EBF2: variants seen among roughly 807,000 people sequenced by gnomAD.
The protein encoded by EBF2 is transcription factor COE2.
A neutral mutation model predicts 72.8 loss-of-function variants in EBF2; 21 were observed. That is an observed-to-expected ratio of 0.29 (90% confidence interval 0.20 to 0.42). The LOEUF (loss-of-function observed/expected upper bound fraction) is 0.42. Ranked by LOEUF, EBF2 falls within the 10% of genes least tolerant of loss-of-function variation. EBF2 has a pLI of 1.00. For missense variants in EBF2, 637 were observed against 731.2 expected (o/e 0.87, Z 1.49); for synonymous variants, 299 against 274.2 (o/e 1.09, Z -0.89).
chr8:26,019,296 C>CAA (rs10644837), intron 6 of EBF2, among the ~76,000 whole-genome samples: 21,486 of 137,082 alleles, frequency 0.16, 1,642 homozygotes, highest in Non-Finnish European at 0.2. Context: ...CTGTAAAACT[C>CAA]AAAAAAAAAA....
At chr8:25,931,915 G>A (rs534309590) in intron 6 of EBF2, among the ~76,000 whole-genome samples, 17 of 152,164 alleles carry the variant, frequency 1.1e-4, no homozygotes, top group African/African-American at 3.9e-4. Context: ...TTTTCATGTA[G>A]CAATAATAGT....
intron 6 of EBF2, among the ~76,000 whole-genome samples, chr8:25,928,019 G>T (rs1350442554): frequency 6.6e-6 from 1 of 152,096 alleles, no homozygotes; most frequent in Non-Finnish European, 1.5e-5. Flanking sequence ...CATCAGATAA[G>T]GAACACGGCT....
At chr8:25,896,705 G>A (rs372694075) in intron 7 of EBF2, among the ~76,000 whole-genome samples, 14 of 152,138 alleles carry the variant, frequency 9.2e-5, no homozygotes, top group African/African-American at 1.9e-4. Context: ...TGGCTATGGC[G>A]AGCGACCAAG....
At chr8:25,846,383 G>A (rs888992295) in intron 15 of EBF2, among the ~76,000 whole-genome samples, 6 of 152,082 alleles carry the variant, frequency 3.9e-5, no homozygotes, top group Admixed American at 1.3e-4. Flanking sequence ...CTCTGGCAGT[G>A]GAATTCTGAC....
intron 13 of EBF2, among the ~76,000 whole-genome samples, chr8:25,858,709 G>C (rs1478885285): frequency 2.1e-5 from 3 of 144,260 alleles, no homozygotes; most frequent in African/African-American, 7.9e-5. Flanking sequence ...GCTCAGGCTG[G>C]AGTACAGTGG....
At chr8:26,003,922 C>G (rs1804784036) in intron 6 of EBF2, among the ~76,000 whole-genome samples, 1 of 152,140 alleles carries the variant, frequency 6.6e-6, no homozygotes, top group African/African-American at 2.4e-5. Flanking sequence ...AGTTTGCGCT[C>G]CTGGGGGACC....
At chr8:26,001,840 C>T (rs917729838) in intron 6 of EBF2, among the ~76,000 whole-genome samples, 5 of 152,078 alleles carry the variant, frequency 3.3e-5, no homozygotes, top group South Asian at 2.1e-4. Context: ...TGAGCCACCA[C>T]ACCCAGCCCT....
chr8:26,005,279 T>TTA (rs1554480810), intron 6 of EBF2, among the ~76,000 whole-genome samples: 980 of 2,194 alleles, frequency 0.45, 177 homozygotes, highest in East Asian at 0.73. Flanking sequence ...ATATATATAA[T>TTA]TATATAATTA....
chr8:25,925,219 C>T (rs1194069795), intron 6 of EBF2, among the ~76,000 whole-genome samples: 1 of 151,926 alleles, frequency 6.6e-6, no homozygotes, highest in African/African-American at 2.4e-5. Flanking sequence ...ACATCTTTTC[C>T]CTTGTAACTC....
chr8:25,907,419 C>CAAAAA lies in EBF2; in HGVS notation c.633+1050_633+1054dup, dbSNP rs55695734. ...TAGGTGACAGAGTGAGACCCTGCCT[C>CAAAAA]AAAAAAAAAAAAAAAAAAAAAAAAA... is the stretch of plus-strand genomic sequence containing the variant. On this transcript the variant is annotated intron_variant, in intron 7 of 15. Coordinates refer to ENST00000520164, the MANE Select transcript of EBF2 (RefSeq NM_022659.4). Among the ~76,000 whole-genome samples the CAAAAA allele has an allele frequency of 8.6e-3, 250 of 28,904 alleles. 12 individuals are homozygous for CAAAAA. Among genetic ancestry groups the CAAAAA allele is most frequent in the Non-Finnish European group, 0.012 (193 of 15,540 alleles). 19.0% of individuals were successfully genotyped at this position (28,904 alleles called of 152,430 possible). A position where few individuals can be genotyped will look rare whatever the true frequency, so the allele number is the denominator to read the frequency against.
At chr8:26,005,276 TA>T (rs374336860) in intron 6 of EBF2, among the ~76,000 whole-genome samples, 1 of 666 alleles carries the variant, frequency 1.5e-3, no homozygotes, top group African/African-American at 4.4e-3. Context: ...ATAATATATA[TA>T]ATTATATAAT....
intron 10 of EBF2, among the ~76,000 whole-genome samples, chr8:25,880,612 T>G (rs1026058595): frequency 1.3e-5 from 2 of 152,172 alleles, no homozygotes; most frequent in African/African-American, 4.8e-5. Context: ...TTCTATATGT[T>G]CCTACAAAGC....
chr8:25,928,890 C>T (rs1472850601), intron 6 of EBF2, among the ~76,000 whole-genome samples: 2 of 151,520 alleles, frequency 1.3e-5, no homozygotes, highest in Non-Finnish European at 1.5e-5. Context: ...AACAGACCAG[C>T]AAGGAGTTCC....
At chr8:26,032,866 G>T in intron 6 of EBF2, 1 of 558,138 alleles carries the variant, frequency 1.8e-6, no homozygotes, top group South Asian at 2.2e-5. Flanking sequence ...GGTGCACCTG[G>T]AAAAGACTCC....
chr8:25,984,574 C>T (rs1585216385), intron 6 of EBF2, among the ~76,000 whole-genome samples: 1 of 151,850 alleles, frequency 6.6e-6, no homozygotes, highest in Non-Finnish European at 1.5e-5. Flanking sequence ...TCCAGCGACT[C>T]GGGAGGCTGA....
intron 6 of EBF2, among the ~76,000 whole-genome samples, chr8:25,973,737 A>G (rs1367488038): frequency 6.6e-6 from 1 of 152,128 alleles, no homozygotes; most frequent in Non-Finnish European, 1.5e-5. Flanking sequence ...ATGCAGTGAC[A>G]GGATCATGGC....
At chr8:26,029,943 C>T (rs1457158113) in intron 6 of EBF2, among the ~76,000 whole-genome samples, 1 of 152,064 alleles carries the variant, frequency 6.6e-6, no homozygotes, top group Non-Finnish European at 1.5e-5. Flanking sequence ...GACAGGTCTC[C>T]CTCTGTCATC....
chr8:25,890,985 A>G lies in EBF2; in HGVS notation c.634-1116T>C, dbSNP rs188479736. Among the ~76,000 whole-genome samples the G allele has an allele frequency of 2.0e-3, 311 of 152,376 alleles. 3 individuals are homozygous for G. Among genetic ancestry groups the G allele is most frequent in the African/African-American group, 7.0e-3 (292 of 41,600 alleles). On this transcript the variant is annotated intron_variant, in intron 7 of 15. Transcript: ENST00000520164. ...TGCCCATGCTGGGCTTGACCAGACC[A>G]TAAGACAGATGACATTACTCACACA... is the stretch of plus-strand genomic sequence containing the variant.
intron 14 of EBF2, 133 bp downstream of exon 14, chr8:25,858,186 G>T (rs1316001552): frequency 2.7e-6 from 3 of 1,121,228 alleles, no homozygotes; most frequent in African/African-American, 3.1e-5. Flanking sequence ...CAGGAAGGAT[G>T]CTTAATCAGG....
Sources: allele counts gnomAD v4.1 joint callset (sites outside exome capture counted in the v4.1 genomes callset), GRCh38; gene constraint gnomAD v4.1.1; transcripts MANE v1.5; gene names NCBI Gene and HGNC (gene_info 2026-07-23, HGNC 2026-07-21).